Variants in PLOD2 observed in about 807,000 individuals in gnomAD.
PLOD2 encodes the protein procollagen-lysine,2-oxoglutarate 5-dioxygenase 2.
PLOD2 carries 65 observed loss-of-function variants against 101.0 expected under a neutral mutation model. The ratio of observed to expected loss-of-function variants is 0.64; its 90% confidence interval spans 0.53 to 0.79. The LOEUF (loss-of-function observed/expected upper bound fraction) is 0.79. Ranked by LOEUF, PLOD2 falls within the 30% of genes least tolerant of loss-of-function variation. The pLI is 0.00. For synonymous variants in PLOD2, 314 were observed against 302.9 expected (o/e 1.04, Z -0.38); for missense variants, 909 against 914.6 (o/e 0.99, Z 0.08).
At chr3:146,099,561 T>C (rs1468568073) in intron 7 of PLOD2, among the ~76,000 whole-genome samples, 1 of 148,762 alleles carries the variant, frequency 6.7e-6, no homozygotes, top group Admixed American at 6.7e-5. Context: ...ATTTTTTTTC[T>C]TTTTTTTTTC....
intron 2 of PLOD2, 42 bp from the exon 3 acceptor site, chr3:146,121,290 A>T: frequency 6.3e-7 from 1 of 1,577,110 alleles, no homozygotes; most frequent in Non-Finnish European, 8.7e-7. Flanking sequence ...CAAAACTCAA[A>T]TTATGAAAGT....
chr3:146,110,306 T>TC lies in PLOD2; in HGVS notation c.480dup (p.Lys161GlufsTer28), dbSNP rs1171328063. On this transcript the variant is annotated frameshift_variant, in exon 4 of 20. Coordinates refer to ENST00000282903, the MANE Select transcript of PLOD2 (RefSeq NM_182943.3). LOFTEE classifies it high-confidence loss of function. ...TCACCTCCTGAATTCAGATAGCGTT[T>TC]CCCAATGTGCACAACAGGATACTTG... The TC allele has an allele frequency of 6.2e-7, 1 of 1,613,866 alleles. No individual in the cohort carries two copies. The highest frequency in any genetic ancestry group is 1.1e-5 in the South Asian group (1 of 91,076).
intron 1 of PLOD2, among the ~76,000 whole-genome samples, chr3:146,145,515 T>G (rs1559871662): frequency 6.6e-6 from 1 of 152,162 alleles, no homozygotes; most frequent in Non-Finnish European, 1.5e-5. Context: ...GATACTCCTC[T>G]GTAGATTTGT....
At chr3:146,075,033 G>A (rs1313506190) in intron 15 of PLOD2, among the ~76,000 whole-genome samples, 1 of 151,526 alleles carries the variant, frequency 6.6e-6, no homozygotes, top group African/African-American at 2.4e-5. Flanking sequence ...GGAACCTAAT[G>A]TCACCCAAGA....
At chr3:146,077,948 TA>T in intron 13 of PLOD2, 24 bp from the exon 14 acceptor site, 1 of 1,357,322 alleles carries the variant, frequency 7.4e-7, no homozygotes, top group Non-Finnish European at 1.1e-6. Context: ...AAGCATTGGG[TA>T]AGTTGACCTG....
At chr3:146,101,600 T>C (rs1937391542) in intron 7 of PLOD2, among the ~76,000 whole-genome samples, 1 of 152,138 alleles carries the variant, frequency 6.6e-6, no homozygotes, top group Admixed American at 6.5e-5. Context: ...TTTCTTACTG[T>C]GATGGGAAGA....
At chr3:146,075,122 A>G (rs1936284691) in intron 15 of PLOD2, among the ~76,000 whole-genome samples, 1 of 151,654 alleles carries the variant, frequency 6.6e-6, no homozygotes, top group African/African-American at 2.4e-5. Flanking sequence ...TCACGACTAG[A>G]AAACACCTCT....
Position 146,160,981 on chromosome 3 carries a change from T to TC in PLOD2, c.8dup (p.Cys4MetfsTer35), listed in dbSNP as rs1353563172. 13 of 1,579,282 alleles carry TC rather than the reference T, an allele frequency of 8.2e-6. No homozygotes were observed. The highest frequency in any genetic ancestry group is 2.7e-5 in the African/African-American group (2 of 74,210). ...GCAGCAGCTGAGGCTTCACCGTGCA[T>TC]CCCCCCATATTCGGCCCTCGAGGGC... On this transcript the variant is annotated frameshift_variant, in exon 1 of 20. Coordinates refer to ENST00000282903, the MANE Select transcript of PLOD2 (RefSeq NM_182943.3). LOFTEE classifies it high-confidence loss of function.
chr3:146,159,583 C>A (rs2032469157), intron 1 of PLOD2, among the ~76,000 whole-genome samples: 1 of 152,146 alleles, frequency 6.6e-6, no homozygotes, highest in Non-Finnish European at 1.5e-5. Context: ...TTTTAAATTT[C>A]TCTACTTCCA....
chr3:146,150,937 C>A (rs1248733146), intron 1 of PLOD2, among the ~76,000 whole-genome samples: 10 of 152,110 alleles, frequency 6.6e-5, no homozygotes, highest in African/African-American at 1.4e-4. Flanking sequence ...ACACTTGGAA[C>A]CTTTTTAAAT....
intron 5 of PLOD2, among the ~76,000 whole-genome samples, chr3:146,106,311 A>G (rs1266666519): frequency 6.6e-6 from 1 of 152,214 alleles, no homozygotes; most frequent in Non-Finnish European, 1.5e-5. Flanking sequence ...CAACTTGGCC[A>G]CAAAAGAGAA....
intron 1 of PLOD2, among the ~76,000 whole-genome samples, chr3:146,129,303 A>AT (rs985832313): frequency 1.3e-5 from 2 of 152,022 alleles, no homozygotes; most frequent in East Asian, 3.9e-4. Flanking sequence ...TTTTTTCCTT[A>AT]TTTTTTTACA....
chr3:146,100,173 G>A (rs1163433568), intron 7 of PLOD2, among the ~76,000 whole-genome samples: 1 of 152,140 alleles, frequency 6.6e-6, no homozygotes, highest in East Asian at 1.9e-4. Context: ...GAGCCACCAT[G>A]CCCAGCCAAC....
chr3:146,083,579 T>TTCTTTC (rs369635872), intron 11 of PLOD2, among the ~76,000 whole-genome samples: 496 of 39,442 alleles, frequency 0.013, 20 homozygotes, highest in African/African-American at 0.021. Context: ...GTCTTTTTCT[T>TTCTTTC]TTTTTTTTTT....
chr3:146,137,395 C>A (rs970998843), intron 1 of PLOD2, among the ~76,000 whole-genome samples: 4 of 152,138 alleles, frequency 2.6e-5, no homozygotes, highest in African/African-American at 9.7e-5. Context: ...TACAGGTGCT[C>A]ACCACCAAAC....
At chr3:146,073,408 G>GTA (rs1201585809) in intron 15 of PLOD2, 56 bp from the exon 16 acceptor site, 5 of 655,938 alleles carry the variant, frequency 7.6e-6, no homozygotes, top group African/African-American at 7.4e-5. Context: ...TCACTGAAAA[G>GTA]TATAAAGCAT....
intron 1 of PLOD2, among the ~76,000 whole-genome samples, chr3:146,125,168 T>G (rs1374261710): frequency 1.3e-5 from 2 of 152,112 alleles, no homozygotes; most frequent in Non-Finnish European, 2.9e-5. Context: ...CTGAGTAACA[T>G]CATTTGTTTC....
chr3:146,098,343 A>G (rs1937274884), intron 7 of PLOD2, among the ~76,000 whole-genome samples: 1 of 152,168 alleles, frequency 6.6e-6, no homozygotes, highest in Non-Finnish European at 1.5e-5. Context: ...GAAAAAGTAA[A>G]CCTTCAAATT....
chr3:146,081,678 A>C, intron 12 of PLOD2, 60 bp downstream of exon 12: 1 of 1,457,314 alleles, frequency 6.9e-7, no homozygotes, highest in Middle Eastern at 1.7e-4. Context: ...AGTAATACTA[A>C]CAAGACTACA....
Sources: allele counts gnomAD v4.1 joint callset (sites outside exome capture counted in the v4.1 genomes callset), GRCh38; gene constraint gnomAD v4.1.1; transcripts MANE v1.5; gene names NCBI Gene and HGNC (gene_info 2026-07-23, HGNC 2026-07-21).